The following BBX variants were observed in gnomAD, a reference collection of about 807,000 sequenced individuals.
BBX encodes BBX high mobility group box domain containing, also known as HMG box transcription factor BBX.
BBX carries 30 observed loss-of-function variants against 100.2 expected under a neutral mutation model. That is an observed-to-expected ratio of 0.30 (90% CI 0.22 to 0.41). The LOEUF (loss-of-function observed/expected upper bound fraction) is 0.41. Ranked by LOEUF, BBX falls within the 10% of genes least tolerant of loss-of-function variation. The probability of loss-of-function intolerance (pLI) is 1.00; values close to 1 mark genes in which losing one functional copy is unlikely to be tolerated. For missense variants in BBX, 1,023 were observed against 1,129.8 expected (o/e 0.91, Z 1.35); for synonymous variants, 376 against 388.1 (o/e 0.97, Z 0.37).
chr3:107,716,947 A>C (rs1328021300), intron 5 of BBX, 98 bp downstream of exon 5: 1 of 1,400,178 alleles, frequency 7.1e-7, no homozygotes, highest in Non-Finnish European at 9.8e-7. Flanking sequence ...TCTAGCAATG[A>C]GAAGGTGAAT....
At chr3:107,607,739 A>G (rs189995466) in intron 2 of BBX, among the ~76,000 whole-genome samples, 6 of 152,216 alleles carry the variant, frequency 3.9e-5, no homozygotes, top group East Asian at 1.9e-4. Context: ...CCTGTCTTGG[A>G]TAAAAGCCAT....
At chr3:107,716,927 C>G in intron 5 of BBX, 78 bp downstream of exon 5, 1 of 1,523,288 alleles carries the variant, frequency 6.6e-7, no homozygotes, top group Non-Finnish European at 9.0e-7. Flanking sequence ...TATGAAGCAC[C>G]TGTTGAAGGT....
intron 2 of BBX, among the ~76,000 whole-genome samples, chr3:107,549,154 A>G (rs2049468724): frequency 6.6e-6 from 1 of 152,206 alleles, no homozygotes; most frequent in African/African-American, 2.4e-5. Flanking sequence ...TTAAAAATAG[A>G]ATATGAAAAA....
intron 3 of BBX, among the ~76,000 whole-genome samples, chr3:107,680,687 C>T (rs899188754): frequency 7.9e-5 from 12 of 152,068 alleles, no homozygotes; most frequent in African/African-American, 2.4e-4. Context: ...GATTGTTGAC[C>T]GGTCCGTTAA....
intron 7 of BBX, among the ~76,000 whole-genome samples, chr3:107,743,930 T>G (rs1443222277): frequency 4.7e-5 from 7 of 148,596 alleles, no homozygotes; most frequent in Non-Finnish European, 8.9e-5. Flanking sequence ...TTTTTTTTTT[T>G]TTTTTTTTTT....
At position 107,544,857 on chromosome 3, in the gene BBX, A is replaced by G. The variant is rs555621361; in HGVS notation, c.-84+18459A>G. The stretch of plus-strand genomic sequence containing the variant: ...TGTCTCTACTAAAAAAAAAAAAAAA[A>G]AAGAAAAAAAGTAGCCGGACATGGT... On this transcript the variant is annotated intron_variant, in intron 2 of 17. Coordinates refer to ENST00000325805, the MANE Select transcript of BBX (RefSeq NM_001142568.3). 4.1e-4 allele frequency among the ~76,000 whole-genome samples: 62 copies of G among 151,248 alleles called. No homozygotes were observed. The South Asian group carries it at 0.012, about 29-fold the overall frequency.
rs536794877 is a variant in BBX, at chr3:107,697,240, A to G, written c.-9-13212A>G. ...GTCCAGCTTTGTTCTGTTGCTGGTG[A>G]GGAACTGTGTTCCTTTCGAGGAGGA... is the stretch of plus-strand genomic sequence containing the variant. On this transcript the variant is annotated intron_variant, in intron 3 of 17. Coordinates refer to ENST00000325805, the MANE Select transcript of BBX (RefSeq NM_001142568.3). 2.0e-3 allele frequency among the ~76,000 whole-genome samples: 305 copies of G among 151,980 alleles called. 14 individuals carry two copies. The highest frequency in any genetic ancestry group is 7.2e-3 in the African/African-American group (296 of 41,244).
At chr3:107,687,471 G>T (rs1455054295) in intron 3 of BBX, among the ~76,000 whole-genome samples, 5 of 152,128 alleles carry the variant, frequency 3.3e-5, no homozygotes, top group African/African-American at 1.2e-4. Context: ...ATGCAGGACA[G>T]CCTGGCCCCT....
chr3:107,609,370 G>T (rs1434673936), intron 2 of BBX, among the ~76,000 whole-genome samples: 1 of 152,012 alleles, frequency 6.6e-6, no homozygotes, highest in South Asian at 2.1e-4. Flanking sequence ...TCTTTATTTG[G>T]TTTTGGTATC....
At chr3:107,718,879 G>C (rs561519106) in intron 5 of BBX, among the ~76,000 whole-genome samples, 2 of 151,978 alleles carry the variant, frequency 1.3e-5, no homozygotes, top group East Asian at 3.9e-4. Flanking sequence ...AGGAAATGTT[G>C]CCTCATTTCT....
intron 2 of BBX, among the ~76,000 whole-genome samples, chr3:107,550,506 G>A (rs1371981375): frequency 6.6e-6 from 1 of 152,110 alleles, no homozygotes; most frequent in African/African-American, 2.4e-5. Context: ...AATTTTTTTA[G>A]ATGAATAAAT....
chr3:107,543,659 A>T (rs773165198), intron 2 of BBX, among the ~76,000 whole-genome samples: 2 of 152,254 alleles, frequency 1.3e-5, no homozygotes, highest in Non-Finnish European at 2.9e-5. Flanking sequence ...GTTAAATGGC[A>T]TACCAGTTTA....
At chr3:107,716,353 T>G in intron 4 of BBX, 1 of 407,744 alleles carries the variant, frequency 2.5e-6, no homozygotes, top group Non-Finnish European at 4.4e-6. Flanking sequence ...ATGTAAGCAA[T>G]TATAACACAA....
At chr3:107,804,860 T>G (rs1328998417) in intron 17 of BBX, among the ~76,000 whole-genome samples, 1 of 151,838 alleles carries the variant, frequency 6.6e-6, no homozygotes, top group Non-Finnish European at 1.5e-5. Flanking sequence ...TCTTCCAGAG[T>G]CATTGCTTTT....
intron 3 of BBX, among the ~76,000 whole-genome samples, chr3:107,655,216 A>G (rs1389184311): frequency 6.6e-6 from 1 of 152,176 alleles, no homozygotes; most frequent in Non-Finnish European, 1.5e-5. Flanking sequence ...ATTTTATTTT[A>G]ATTGTACCTC....
intron 2 of BBX, among the ~76,000 whole-genome samples, chr3:107,644,133 A>G (rs1030527916): frequency 6.6e-6 from 1 of 152,324 alleles, no homozygotes; most frequent in Admixed American, 6.5e-5. Flanking sequence ...AGTATATTCA[A>G]TTATATTAAT....
chr3:107,551,376 A>T (rs914520371), intron 2 of BBX, among the ~76,000 whole-genome samples: 1 of 152,220 alleles, frequency 6.6e-6, no homozygotes, highest in Non-Finnish European at 1.5e-5. Context: ...GTTTCCACGA[A>T]AGCATTTCAC....
At chr3:107,682,290 T>C (rs2059610897) in intron 3 of BBX, among the ~76,000 whole-genome samples, 1 of 152,164 alleles carries the variant, frequency 6.6e-6, no homozygotes, top group South Asian at 2.1e-4. Context: ...TCTTAAGCTG[T>C]CTCTGACATT....
chr3:107,545,633 G>T lies in BBX; in HGVS notation c.-84+19235G>T, dbSNP rs538356679. On this transcript the variant is annotated intron_variant, in intron 2 of 17. Coordinates refer to ENST00000325805, the MANE Select transcript of BBX (RefSeq NM_001142568.3). ...AAATGGTAATGCCTTCTTTATCTTT[G>T]TGCTATCCATGGAGTTATTTTCTTA... 1.6e-4 allele frequency among the ~76,000 whole-genome samples: 25 copies of T among 152,220 alleles called. 2 individuals are homozygous for T. In the East Asian group the frequency reaches 4.4e-3, roughly 27 times the overall value.
Sources: gnomAD v4.1 joint callset for allele counts (sites outside exome capture counted in the v4.1 genomes callset) on GRCh38, gnomAD v4.1.1 for gene constraint, MANE v1.5 for transcripts, NCBI Gene and HGNC (gene_info 2026-07-23, HGNC 2026-07-21) for gene names.